Variants in GRIP1 observed in about 807,000 individuals in gnomAD.
GRIP1 encodes the protein glutamate receptor-interacting protein 1.
In GRIP1, 45 loss-of-function variants were observed where a neutral mutation model predicts 129.9. That is an observed-to-expected ratio of 0.35 (90% CI 0.27 to 0.44). The LOEUF is 0.44. Ranked by LOEUF, GRIP1 falls within the 20% of genes least tolerant of loss-of-function variation. The pLI is 1.00. For missense variants in GRIP1, 1,196 were observed against 1,396.8 expected, an observed-to-expected ratio of 0.86 and a Z score of 2.29; for synonymous variants, 530 against 520.8, an observed-to-expected ratio of 1.02 and a Z score of -0.24.
chr12:66,987,335 T>A (rs770656914), intron 1 of GRIP1, among the ~76,000 whole-genome samples: 5 of 152,198 alleles, frequency 3.3e-5, no homozygotes, highest in African/African-American at 7.2e-5. Context: ...ATGATACTGA[T>A]AGATGGCAAT....
intron 1 of GRIP1, among the ~76,000 whole-genome samples, chr12:67,012,005 G>A (rs992420978): frequency 1.3e-5 from 2 of 152,154 alleles, no homozygotes; most frequent in Non-Finnish European, 2.9e-5. Context: ...TAGACTCTAA[G>A]CTGCAGGAAG....
intron 1 of GRIP1, among the ~76,000 whole-genome samples, chr12:66,624,440 G>T (rs960160027): frequency 1.3e-5 from 2 of 152,120 alleles, no homozygotes; most frequent in Non-Finnish European, 2.9e-5. Flanking sequence ...ACATTTTAAA[G>T]TAAAATAGAT....
intron 1 of GRIP1, among the ~76,000 whole-genome samples, chr12:66,619,960 C>G (rs2065198108): frequency 6.6e-6 from 1 of 152,196 alleles, no homozygotes; most frequent in African/African-American, 2.4e-5. Context: ...GTAGCAACAA[C>G]TCTTCTTTAG....
At chr12:66,436,970 T>G (rs2058325665) in intron 13 of GRIP1, among the ~76,000 whole-genome samples, 1 of 75,570 alleles carries the variant, frequency 1.3e-5, no homozygotes, top group African/African-American at 5.2e-5. Context: ...CAAGACTCTG[T>G]CTCCAAAAAA....
At chr12:66,584,272 T>C (rs1240714534) in intron 2 of GRIP1, among the ~76,000 whole-genome samples, 1 of 96,706 alleles carries the variant, frequency 1.0e-5, no homozygotes, top group African/African-American at 4.0e-5. Flanking sequence ...GTGGGGGAGG[T>C]GGGAGGGATA....
rs373844044 is a variant in GRIP1 at position 66,392,443 on chromosome 12, C to T, written c.2329G>A (p.Asp777Asn). The T allele has an allele frequency of 1.7e-4, 274 of 1,613,890 alleles. No individual in the cohort carries two copies. Among genetic ancestry groups the T allele is most frequent in the Non-Finnish European group, 2.2e-4 (260 of 1,179,904 alleles). ...GCTGGTGAGGAGTCCTCCTCCACAT[C>T]CCCCAGGTCACTCAAATGGCTAGAA... ...PISSHLSDLG[D>N]VEEDSSPAQK... Residue 777 changes from aspartate (D) to asparagine (N), a missense_variant, in exon 19 of 25, where the codon GAT becomes AAT. Asp to Asn is a conservative substitution (Grantham distance 23). This residue lies in a region of GRIP1 where 427 missense variants were observed against 463.3 expected (regional missense o/e 0.92). Coordinates refer to ENST00000359742, the MANE Select transcript of GRIP1 (RefSeq NM_001366722.1).
At chr12:67,058,281 T>C (rs2043472207) in intron 1 of GRIP1, among the ~76,000 whole-genome samples, 2 of 152,206 alleles carry the variant, frequency 1.3e-5, no homozygotes, top group African/African-American at 4.8e-5. Flanking sequence ...AACTGTGCCT[T>C]AAAAAGACAT....
chr12:66,382,022 T>TTG (rs1261079535), intron 19 of GRIP1, among the ~76,000 whole-genome samples: 1 of 152,118 alleles, frequency 6.6e-6, no homozygotes, highest in Non-Finnish European at 1.5e-5. Flanking sequence ...GCTTAGGAGT[T>TTG]TGAGACCAGC....
At chr12:66,950,113 T>C (rs1337219710) in intron 1 of GRIP1, among the ~76,000 whole-genome samples, 1 of 152,198 alleles carries the variant, frequency 6.6e-6, no homozygotes, top group East Asian at 1.9e-4. Flanking sequence ...CATATTTGTC[T>C]TTCTCTATTC....
At chr12:66,885,197 G>A (rs896124046) in intron 1 of GRIP1, among the ~76,000 whole-genome samples, 11 of 152,136 alleles carry the variant, frequency 7.2e-5, no homozygotes, top group Admixed American at 7.2e-4. Flanking sequence ...CTGTTCAACC[G>A]AAACTCTCAG....
intron 7 of GRIP1, among the ~76,000 whole-genome samples, chr12:66,492,807 C>T (rs11176230): frequency 0.025 from 3,875 of 152,126 alleles, 129 homozygotes; most frequent in African/African-American, 0.072. Context: ...GTCAGGAGTT[C>T]AAGACCAGCC....
chr12:66,836,513 AC>A (rs1326574482), intron 1 of GRIP1, among the ~76,000 whole-genome samples: 1 of 152,046 alleles, frequency 6.6e-6, no homozygotes, highest in Non-Finnish European at 1.5e-5. Flanking sequence ...AATTCCCCCA[AC>A]CACCCTCCCT....
chr12:66,359,262 G>A (rs1243027787), intron 23 of GRIP1, among the ~76,000 whole-genome samples: 1 of 152,196 alleles, frequency 6.6e-6, no homozygotes, highest in Non-Finnish European at 1.5e-5. Context: ...AACTCACTTT[G>A]GTCTTAGATC....
intron 19 of GRIP1, among the ~76,000 whole-genome samples, chr12:66,385,265 G>T (rs2056303560): frequency 6.6e-6 from 1 of 152,174 alleles, no homozygotes; most frequent in African/African-American, 2.4e-5. Context: ...GCAGGGCACG[G>T]TAGCTCATGC....
chr12:66,454,549 C>T lies in GRIP1; in HGVS notation c.1354+860G>A, dbSNP rs114473451. On this transcript the variant is annotated intron_variant, in intron 11 of 24. Transcript: ENST00000359742. ...AGAGAATGATCTTCCCCAATAGAAA[C>T]GATAAATGTAGGAGTGATTTATATT... 3.1e-3 allele frequency among the ~76,000 whole-genome samples: 479 copies of T among 152,246 alleles called. 3 individuals carry two copies. The highest frequency in any genetic ancestry group is 0.011 in the African/African-American group (451 of 41,540).
At chr12:66,634,271 A>G (rs1016374902) in intron 1 of GRIP1, among the ~76,000 whole-genome samples, 10 of 152,214 alleles carry the variant, frequency 6.6e-5, no homozygotes, top group African/African-American at 2.4e-4. Context: ...AACCATTTTC[A>G]GGAATTTAGA....
intron 1 of GRIP1, chr12:67,037,329 A>AAATAATAATCATAATAATAAT (rs2043112265): frequency 7.2e-6 from 1 of 139,188 alleles, no homozygotes; most frequent in African/African-American, 2.6e-5. Flanking sequence ...CTCTGCCTGA[A>AAATAATAATCATAATAATAAT]AATAATAATA....
At position 66,347,510 on chromosome 12, in the gene GRIP1, A is replaced by C. The variant is rs1199904541; in HGVS notation, c.*1509T>G. On this transcript the variant is annotated 3_prime_UTR_variant, in exon 25 of 25. Transcript: ENST00000359742. ...AGAGGGTTTTATTTTTTTCCATACA[A>C]ATATTTGAACAATTTTGAATTCCCC... is the stretch of plus-strand genomic sequence containing the variant. 6.6e-6 allele frequency: 1 copy of C among 152,174 alleles called. No individual in the cohort carries two copies. The highest frequency in any genetic ancestry group is 2.4e-5 in the African/African-American group (1 of 41,438). 9.4% of individuals were successfully genotyped at this position (152,174 alleles called of 1,614,324 possible).
At chr12:66,378,896 G>A (rs563328164) in intron 20 of GRIP1, among the ~76,000 whole-genome samples, 118 of 152,232 alleles carry the variant, frequency 7.8e-4, no homozygotes, top group South Asian at 2.3e-3. Flanking sequence ...GCAGTGAGCC[G>A]AGATCTTGCC....
Sources: allele counts gnomAD v4.1 joint callset (sites outside exome capture counted in the v4.1 genomes callset), GRCh38; gene constraint gnomAD v4.1.1; regional missense constraint gnomAD v4.1.1; transcripts MANE v1.5; gene names NCBI Gene and HGNC (gene_info 2026-07-23, HGNC 2026-07-21).